TRPC4AP: variants seen among roughly 807,000 people sequenced by gnomAD.
TRPC4AP encodes the protein transient receptor potential cation channel subfamily C member 4 associated protein.
A neutral mutation model predicts 99.0 loss-of-function variants in TRPC4AP; 45 were observed. The observed-to-expected ratio is 0.45, with a 90% CI of 0.36 to 0.58. The LOEUF is 0.58. Ranked by LOEUF, TRPC4AP falls within the 20% of genes least tolerant of loss-of-function variation. The pLI, the probability that TRPC4AP is intolerant of heterozygous loss-of-function variation, is 0.00. For missense variants in TRPC4AP, 879 were observed against 985.3 expected (o/e 0.89, Z 1.44); for synonymous variants, 408 against 385.8 (o/e 1.06, Z -0.67).
At chr20:35,017,670 C>T (rs1237987167) in intron 9 of TRPC4AP, among the ~76,000 whole-genome samples, 2 of 152,170 alleles carry the variant, frequency 1.3e-5, no homozygotes, top group Non-Finnish European at 2.9e-5. Context: ...CTTAAGTCTG[C>T]CCCTTTCTAG....
At chr20:35,083,321 T>C (rs1461207895) in intron 1 of TRPC4AP, among the ~76,000 whole-genome samples, 1 of 152,040 alleles carries the variant, frequency 6.6e-6, no homozygotes, top group Non-Finnish European at 1.5e-5. Flanking sequence ...CACTCTTGGC[T>C]GGGCACAGTG....
At chr20:35,080,013 T>TAAAAA (rs71196785) in intron 1 of TRPC4AP, among the ~76,000 whole-genome samples, 9 of 93,856 alleles carry the variant, frequency 9.6e-5, no homozygotes, top group African/African-American at 2.6e-4. Context: ...CAGAGCAAGA[T>TAAAAA]AAAAAAAAAA....
At chr20:35,016,562 G>C (rs1018724227) in intron 9 of TRPC4AP, among the ~76,000 whole-genome samples, 3 of 151,996 alleles carry the variant, frequency 2.0e-5, no homozygotes, top group Non-Finnish European at 4.4e-5. Context: ...CTTTGCACTA[G>C]GATAAATTTC....
At chr20:35,072,922 A>ATGT (rs1359463407) in intron 2 of TRPC4AP, among the ~76,000 whole-genome samples, 2 of 152,112 alleles carry the variant, frequency 1.3e-5, no homozygotes, top group African/African-American at 4.8e-5. Flanking sequence ...TGAGCATGGG[A>ATGT]TGTTCTTCCA....
chr20:35,045,165 A>C (rs373829023), intron 6 of TRPC4AP, among the ~76,000 whole-genome samples: 9 of 152,100 alleles, frequency 5.9e-5, no homozygotes, highest in African/African-American at 2.2e-4. Context: ...TGCAGACGTA[A>C]ACATTATTTT....
At chr20:35,074,220 G>A (rs1478562822) in intron 2 of TRPC4AP, among the ~76,000 whole-genome samples, 1 of 152,152 alleles carries the variant, frequency 6.6e-6, no homozygotes, top group Admixed American at 6.5e-5. Flanking sequence ...CGAAAAACGA[G>A]CTTCTGGATT....
chr20:35,031,390 CTTTTTT>C (rs71299218), intron 8 of TRPC4AP, among the ~76,000 whole-genome samples: 9,201 of 73,548 alleles, frequency 0.13, 416 homozygotes, highest in South Asian at 0.2. Context: ...CCCTGGTTAA[CTTTTTT>C]TTTTTTTTTT....
intron 1 of TRPC4AP, among the ~76,000 whole-genome samples, chr20:35,083,555 A>T (rs1289961820): frequency 4.6e-5 from 7 of 151,874 alleles, no homozygotes; most frequent in Non-Finnish European, 1.0e-4. Context: ...GGTTGCAGAA[A>T]GCTGAGATGG....
At position 35,050,019 on chromosome 20, in the gene TRPC4AP, T is replaced by G. The variant is rs143793854; in HGVS notation, c.529-25A>C. ...TCTGTCACAAGAAGAAAAGGCAGAA[T>G]AGGTTGTAAGTACAAAATAAATTAT... is the stretch of plus-strand genomic sequence containing the variant. On this transcript the variant is annotated intron_variant, in intron 5 of 18. Coordinates refer to ENST00000252015, the MANE Select transcript of TRPC4AP (RefSeq NM_015638.3). 1.4e-4 allele frequency: 228 copies of G among 1,609,586 alleles called. No homozygotes were observed. In the African/African-American group the frequency reaches 2.6e-3, roughly 18 times the overall value.
chr20:35,071,946 G>A (rs1484622728), intron 2 of TRPC4AP, among the ~76,000 whole-genome samples: 2 of 152,162 alleles, frequency 1.3e-5, no homozygotes, highest in Non-Finnish European at 2.9e-5. Flanking sequence ...TCCAGCACCT[G>A]TTGTTTCCTG....
At chr20:35,050,635 C>T (rs2083673450) in intron 5 of TRPC4AP, among the ~76,000 whole-genome samples, 1 of 151,732 alleles carries the variant, frequency 6.6e-6, no homozygotes, top group Non-Finnish European at 1.5e-5. Context: ...ATCATTTGAG[C>T]CCAGAAGGTG....
intron 10 of TRPC4AP, among the ~76,000 whole-genome samples, chr20:35,013,306 C>T (rs760444641): frequency 8.5e-5 from 13 of 152,086 alleles, no homozygotes; most frequent in Admixed American, 1.3e-4. Context: ...TAAGGCGGGG[C>T]GTGGTGGTTA....
intron 6 of TRPC4AP, among the ~76,000 whole-genome samples, chr20:35,046,926 T>C (rs1461337011): frequency 6.6e-6 from 1 of 152,162 alleles, no homozygotes; most frequent in African/African-American, 2.4e-5. Flanking sequence ...CAGAGCGCAA[T>C]GGCACAATCT....
intron 5 of TRPC4AP, among the ~76,000 whole-genome samples, chr20:35,054,239 G>A (rs34337249): frequency 0.069 from 10,427 of 150,458 alleles, 473 homozygotes; most frequent in Admixed American, 0.1. Flanking sequence ...TTATAATAGC[G>A]CTCGTCTCAT....
intron 8 of TRPC4AP, among the ~76,000 whole-genome samples, chr20:35,028,211 CT>C (rs71196775): frequency 0.083 from 12,251 of 147,042 alleles, 564 homozygotes; most frequent in South Asian, 0.13. Flanking sequence ...AAAATATTTC[CT>C]TTTTTTTTTT....
intron 7 of TRPC4AP, among the ~76,000 whole-genome samples, chr20:35,039,734 A>G (rs995072508): frequency 1.3e-5 from 2 of 152,140 alleles, no homozygotes; most frequent in Non-Finnish European, 1.5e-5. Context: ...CTCTGCTAAG[A>G]ATCTTGAAAG....
chr20:35,049,109 T>G (rs190072755), intron 6 of TRPC4AP, among the ~76,000 whole-genome samples: 1 of 152,172 alleles, frequency 6.6e-6, no homozygotes, highest in Non-Finnish European at 1.5e-5. Context: ...CAGGACAGAT[T>G]AGGACTGGGG....
At chr20:35,020,029 C>T (rs941220641) in intron 9 of TRPC4AP, among the ~76,000 whole-genome samples, 2 of 152,212 alleles carry the variant, frequency 1.3e-5, no homozygotes, top group Non-Finnish European at 2.9e-5. Context: ...AATCCATTCT[C>T]CTACTTCCTT....
At chr20:35,092,238 T>C (rs567847709) in intron 1 of TRPC4AP, among the ~76,000 whole-genome samples, 29 of 152,192 alleles carry the variant, frequency 1.9e-4, no homozygotes, top group Non-Finnish European at 3.5e-4. Context: ...GCTGCAATGA[T>C]GACCCCCTCC....
Sources: gnomAD v4.1 joint callset for allele counts (sites outside exome capture counted in the v4.1 genomes callset) on GRCh38, gnomAD v4.1.1 for gene constraint, MANE v1.5 for transcripts, NCBI Gene and HGNC (gene_info 2026-07-23, HGNC 2026-07-21) for gene names.